The following SLC44A1 variants were observed in gnomAD, a reference collection of about 807,000 sequenced individuals.
The protein encoded by SLC44A1 is choline transporter-like protein 1.
A neutral mutation model predicts 79.3 loss-of-function variants in SLC44A1; 26 were observed. The observed-to-expected ratio is 0.33, with a 90% confidence interval of 0.24 to 0.46. The LOEUF (loss-of-function observed/expected upper bound fraction) is 0.46, where lower values mean the gene tolerates loss of function less well. Among genes scored for constraint, SLC44A1 ranks in the 20% least tolerant of loss-of-function variants. The pLI, the probability that SLC44A1 is intolerant of heterozygous loss-of-function variation, is 1.00. For missense variants in SLC44A1, 688 were observed against 798.1 expected (o/e 0.86, Z 1.66); for synonymous variants, 263 against 286.2 (o/e 0.92, Z 0.82).
intron 1 of SLC44A1, among the ~76,000 whole-genome samples, chr9:105,271,766 A>G (rs1263390383): frequency 3.3e-5 from 5 of 152,106 alleles, no homozygotes; most frequent in Non-Finnish European, 5.9e-5. Context: ...GACACCTGCC[A>G]TCACGCCTGG....
chr9:105,279,130 C>T (rs951635524), intron 1 of SLC44A1, among the ~76,000 whole-genome samples: 6 of 147,274 alleles, frequency 4.1e-5, no homozygotes, highest in African/African-American at 1.5e-4. Flanking sequence ...CCCCGGGAGG[C>T]GGAGCTTGCA....
Position 105,393,713 on chromosome 9 carries a change from G to A in SLC44A1, c.*4657G>A, listed in dbSNP as rs1425267580. On this transcript the variant is annotated 3_prime_UTR_variant, in exon 16 of 16. Transcript: ENST00000374720. The stretch of plus-strand genomic sequence containing the variant: ...ATATTGCATGAACAATTGCCACTTT[G>A]TAAATTATATGGACAGAATGTGTTC... 1 of 984,712 alleles carries A rather than the reference G, an allele frequency of 1.0e-6. No individual in the cohort carries two copies. Among genetic ancestry groups the A allele is most frequent in the Non-Finnish European group, 1.2e-6 (1 of 829,442 alleles). The allele number at this position is 984,712 out of a possible 1,614,324, so 61.0% of individuals were successfully genotyped here.
At chr9:105,264,496 T>G (rs537344457) in intron 1 of SLC44A1, among the ~76,000 whole-genome samples, 1 of 152,262 alleles carries the variant, frequency 6.6e-6, no homozygotes, top group African/African-American at 2.4e-5. Context: ...TATGACTAAG[T>G]GGTTGCTCTT....
intron 3 of SLC44A1, among the ~76,000 whole-genome samples, chr9:105,329,871 C>T (rs1826696612): frequency 6.6e-6 from 1 of 151,996 alleles, no homozygotes; most frequent in African/African-American, 2.4e-5. Context: ...TAGATACTGC[C>T]TCCTCCTCCT....
rs1201829434 is a variant in SLC44A1 at position 105,323,747 on chromosome 9, C to G, written c.270-11816C>G. Among the ~76,000 whole-genome samples the G allele has an allele frequency of 2.0e-5, 3 of 152,320 alleles. No homozygotes were observed. In the East Asian group the frequency reaches 5.8e-4, roughly 29 times the overall value. ...ATTCTGTCTCATTGATTCTCACTAT[C>G]CCTGGGAACTGCTTAAATTTTTTCT... On this transcript the variant is annotated intron_variant, in intron 3 of 15. Transcript: ENST00000374720.
At chr9:105,427,795 A>G (rs1055537638) in intron 15 of SLC44A1, among the ~76,000 whole-genome samples, 31 of 152,294 alleles carry the variant, frequency 2.0e-4, no homozygotes, top group African/African-American at 7.2e-4. Flanking sequence ...TTTGTACTAA[A>G]GTCTATGAAT....
intron 4 of SLC44A1, among the ~76,000 whole-genome samples, chr9:105,338,636 A>G (rs1048035451): frequency 2.0e-5 from 3 of 152,174 alleles, no homozygotes; most frequent in South Asian, 4.1e-4. Flanking sequence ...CTGGTGTCAA[A>G]CTCCTAGCCT....
intron 1 of SLC44A1, among the ~76,000 whole-genome samples, chr9:105,246,597 G>C (rs1352007239): frequency 6.6e-6 from 1 of 151,984 alleles, no homozygotes; most frequent in Non-Finnish European, 1.5e-5. Flanking sequence ...TTAGGAATTT[G>C]TGGGGGTCTA....
chr9:105,355,320 T>C (rs914975450), intron 5 of SLC44A1, among the ~76,000 whole-genome samples: 7 of 152,240 alleles, frequency 4.6e-5, no homozygotes, highest in African/African-American at 1.2e-4. Context: ...ATAGCTCTAG[T>C]CTTTCACAAG....
intron 15 of SLC44A1, among the ~76,000 whole-genome samples, chr9:105,420,003 C>A (rs968337441): frequency 1.3e-5 from 2 of 152,222 alleles, no homozygotes; most frequent in Middle Eastern, 3.4e-3. Flanking sequence ...CTTCCTACCT[C>A]CCATGCAGTG....
intron 15 of SLC44A1, among the ~76,000 whole-genome samples, chr9:105,404,233 C>CAAAAAAA (rs71489339): frequency 3.8e-4 from 17 of 44,418 alleles, no homozygotes; most frequent in African/African-American, 7.9e-4. Flanking sequence ...GGACTCATCT[C>CAAAAAAA]AAAAAAAAAA....
Position 105,335,715 on chromosome 9 carries a change from A to T in SLC44A1, c.406+16A>T. On this transcript the variant is annotated intron_variant, in intron 4 of 15. Transcript: ENST00000374720. ...GAGATAAATGGTGAGACATTAGGCC[A>T]TCCAAATCTATGTCCTGTCACCTTG... The T allele has an allele frequency of 6.2e-7, 1 of 1,607,806 alleles. No homozygotes were observed.
At chr9:105,271,813 T>A (rs201137389) in intron 1 of SLC44A1, among the ~76,000 whole-genome samples, 1 of 151,950 alleles carries the variant, frequency 6.6e-6, no homozygotes, top group Non-Finnish European at 1.5e-5. Flanking sequence ...GGGGTTTCGC[T>A]ATGTTGGCCA....
intron 3 of SLC44A1, among the ~76,000 whole-genome samples, chr9:105,318,584 G>A (rs1362937029): frequency 6.6e-6 from 1 of 151,980 alleles, no homozygotes; most frequent in Non-Finnish European, 1.5e-5. Context: ...AGATTTTTTT[G>A]TCATATTTTG....
chr9:105,306,820 T>C (rs1373193080), intron 2 of SLC44A1, among the ~76,000 whole-genome samples: 1 of 152,080 alleles, frequency 6.6e-6, no homozygotes, highest in Non-Finnish European at 1.5e-5. Context: ...ACAATGTACT[T>C]ATCAAACATA....
intron 15 of SLC44A1, among the ~76,000 whole-genome samples, chr9:105,413,669 T>C (rs1358576152): frequency 6.6e-6 from 1 of 152,212 alleles, no homozygotes; most frequent in Non-Finnish European, 1.5e-5. Context: ...AGGTTTCTGT[T>C]AAATGCAGCT....
At chr9:105,427,236 C>A (rs139101177) in intron 15 of SLC44A1, among the ~76,000 whole-genome samples, 4,639 of 151,358 alleles carry the variant, frequency 0.031, 113 homozygotes, top group Non-Finnish European at 0.039. Context: ...CCTGGCCTAT[C>A]TTCTCTTTCC....
At position 105,249,865 on chromosome 9, in the gene SLC44A1, AT is replaced by A. The variant is rs71501461; in HGVS notation, c.36+4980del. The stretch of plus-strand genomic sequence containing the variant: ...CCAAATCTTAAATTGCAGTTTACTA[AT>A]TTTTTTTTTTTTTTTTTTGTGAAGT... On this transcript the variant is annotated intron_variant, in intron 1 of 15. Coordinates refer to ENST00000374720, the MANE Select transcript of SLC44A1 (RefSeq NM_080546.5). Among the ~76,000 whole-genome samples the A allele has an allele frequency of 4.9e-3, 623 of 127,354 alleles. 3 individuals are homozygous for A. The highest frequency in any genetic ancestry group is 0.015 in the African/African-American group (491 of 32,732). 83.5% of individuals were successfully genotyped at this position (127,354 alleles called of 152,430 possible).
chr9:105,262,549 ATTC>A (rs1445321358), intron 1 of SLC44A1, among the ~76,000 whole-genome samples: 5 of 152,252 alleles, frequency 3.3e-5, no homozygotes, highest in Admixed American at 2.0e-4. Context: ...CATCGAAAGT[ATTC>A]TTCTGTCGTT....
Sources: allele counts gnomAD v4.1 joint callset (sites outside exome capture counted in the v4.1 genomes callset), GRCh38; gene constraint gnomAD v4.1.1; transcripts MANE v1.5; gene names NCBI Gene and HGNC (gene_info 2026-07-23, HGNC 2026-07-21).